SYN2: variants seen among roughly 807,000 people sequenced by gnomAD.
SYN2 encodes synapsin II.
Under a neutral mutation model 50.9 loss-of-function variants are expected in SYN2, and 19 were observed. The ratio of observed to expected loss-of-function variants is 0.37; its 90% CI spans 0.26 to 0.55. SYN2 has a LOEUF of 0.55. Ranked by LOEUF, SYN2 falls within the 20% of genes least tolerant of loss-of-function variation. SYN2 has a pLI of 0.81. For synonymous variants in SYN2, 255 were observed against 224.9 expected, an observed-to-expected ratio of 1.13 and a Z score of -1.20; for missense variants, 587 against 576.4, an observed-to-expected ratio of 1.02 and a Z score of -0.19.
chr3:12,124,026 AAAG>A (rs1696615693), intron 1 of SYN2, among the ~76,000 whole-genome samples: 1 of 152,116 alleles, frequency 6.6e-6, no homozygotes, highest in African/African-American at 2.4e-5. Context: ...AAAAAGAAAA[AAAG>A]ACAAGTTTAC....
intron 1 of SYN2, chr3:12,070,605 TTTGAGACC>T (rs1426815362): frequency 7.3e-7 from 1 of 1,375,846 alleles, no homozygotes; most frequent in Non-Finnish European, 9.9e-7. Flanking sequence ...CCAGATCATG[TTTGAGACC>T]TTCAACACCC....
chr3:12,177,875 C>A (rs1278404615), intron 10 of SYN2, among the ~76,000 whole-genome samples: 1 of 152,160 alleles, frequency 6.6e-6, no homozygotes, highest in Non-Finnish European at 1.5e-5. Flanking sequence ...TTCTTGGGTT[C>A]TAGGTTATGG....
At chr3:12,172,120 A>G (rs1359599879) in intron 10 of SYN2, among the ~76,000 whole-genome samples, 2 of 152,188 alleles carry the variant, frequency 1.3e-5, no homozygotes, top group East Asian at 3.9e-4. Flanking sequence ...AATGCATACC[A>G]TGCTGGGAGT....
At chr3:12,092,545 T>A (rs1184630220) in intron 1 of SYN2, among the ~76,000 whole-genome samples, 1 of 152,208 alleles carries the variant, frequency 6.6e-6, no homozygotes, top group Non-Finnish European at 1.5e-5. Flanking sequence ...AAGGAACTAT[T>A]ATTCCAAGCA....
At chr3:12,030,463 C>T (rs1284222884) in intron 1 of SYN2, among the ~76,000 whole-genome samples, 1 of 146,190 alleles carries the variant, frequency 6.8e-6, no homozygotes, top group African/African-American at 2.5e-5. Context: ...GTACCAGTTC[C>T]TCCTTGTACC....
chr3:12,161,699 C>T, intron 6 of SYN2, 91 bp downstream of exon 6: 1 of 1,403,684 alleles, frequency 7.1e-7, no homozygotes, highest in Non-Finnish European at 1.0e-6. Context: ...CTCCCTCTGT[C>T]ACTGATGAAT....
Position 12,061,754 on chromosome 3 carries a change from A to T in SYN2, c.377+56826A>T, listed in dbSNP as rs538389226. Among the ~76,000 whole-genome samples, 11 of 152,128 alleles carry T rather than the reference A, an allele frequency of 7.2e-5. No individual in the cohort carries two copies. In the East Asian group the frequency reaches 1.5e-3, roughly 21 times the overall value. On this transcript the variant is annotated intron_variant, in intron 1 of 12. Transcript: ENST00000621198. ...TTCCTGTATACCACAATGAAAAATT[A>T]AAAAAACACTACCATTTACAACAGC...
chr3:12,004,758 G>GCCGCAGCCCGCT lies in SYN2; in HGVS notation c.218_219insTCCGCAGCCCGC (p.Gln71_Pro74dup). On this transcript the variant is annotated inframe_insertion, in exon 1 of 13. Coordinates refer to ENST00000621198, the MANE Select transcript of SYN2 (RefSeq NM_133625.6). ...GGCCGCCGCCCGCCTCGGCGCCCGC[G>GCCGCAGCCCGCT]CCGCAGCCCGCGCCGACGCCGTCGG... 1 of 344,224 alleles carries GCCGCAGCCCGCT rather than the reference G, an allele frequency of 2.9e-6. No homozygotes were observed. 21.3% of individuals were successfully genotyped at this position (344,224 alleles called of 1,614,324 possible). A position where few individuals can be genotyped will look rare whatever the true frequency, so the allele number is the denominator to read the frequency against.
intron 1 of SYN2, among the ~76,000 whole-genome samples, chr3:12,015,020 C>T (rs1014310886): frequency 6.6e-6 from 1 of 152,184 alleles, no homozygotes. Flanking sequence ...GCTTACTTCT[C>T]CTGCCTTGCC....
chr3:12,157,453 C>G (rs749576647), intron 5 of SYN2: 1 of 1,614,188 alleles, frequency 6.2e-7, no homozygotes, highest in South Asian at 1.1e-5. Context: ...GCCGGAACTA[C>G]CTTCTCACTG....
At chr3:12,105,901 A>G (rs1049634255) in intron 1 of SYN2, among the ~76,000 whole-genome samples, 4 of 152,124 alleles carry the variant, frequency 2.6e-5, no homozygotes, top group Admixed American at 1.3e-4. Flanking sequence ...TAACACTGGA[A>G]ATGATTTGTT....
At chr3:12,159,048 A>C (rs1697559733) in intron 5 of SYN2, 2 of 631,104 alleles carry the variant, frequency 3.2e-6, no homozygotes, top group Non-Finnish European at 5.1e-6. Context: ...CATACTCAGT[A>C]AGATGCAGAG....
chr3:12,079,396 G>A (rs529804664), intron 1 of SYN2, among the ~76,000 whole-genome samples: 1 of 152,270 alleles, frequency 6.6e-6, no homozygotes, highest in South Asian at 2.1e-4. Context: ...CAAGGGGAAT[G>A]CTTACAGCTT....
chr3:12,028,693 C>T (rs1470667254), intron 1 of SYN2, among the ~76,000 whole-genome samples: 1 of 146,572 alleles, frequency 6.8e-6, no homozygotes, highest in Non-Finnish European at 1.5e-5. Context: ...AGTGTCTGTT[C>T]ATGTCCTTCG....
intron 7 of SYN2, among the ~76,000 whole-genome samples, chr3:12,162,899 T>G (rs1439643254): frequency 1.3e-5 from 2 of 152,218 alleles, no homozygotes; most frequent in Non-Finnish European, 1.5e-5. Context: ...ACGCATAAAA[T>G]GCAGGTGGCT....
In SYN2 at chr3:12,115,612, C is replaced by A. The variant is rs1356221499; in HGVS notation, c.378-25039C>A. 2.0e-5 allele frequency among the ~76,000 whole-genome samples: 3 copies of A among 151,548 alleles called. No homozygotes were observed. The East Asian group carries it at 5.8e-4, about 29-fold the overall frequency. ...TCATAGGGTTCTTCTGAAACCAGTTCCTTAGAAAAGGTGTGCAAGGGACCC... is the reference window on the plus strand; with the variant it reads ...TCATAGGGTTCTTCTGAAACCAGTTACTTAGAAAAGGTGTGCAAGGGACCC... On this transcript the variant is annotated intron_variant, in intron 1 of 12. Transcript: ENST00000621198.
intron 1 of SYN2, among the ~76,000 whole-genome samples, chr3:12,091,159 A>G (rs528135516): frequency 6.6e-6 from 1 of 152,238 alleles, no homozygotes; most frequent in African/African-American, 2.4e-5. Context: ...ATTTAAGTTT[A>G]TGTTTTTATA....
chr3:12,154,044 A>G (rs747501279), intron 5 of SYN2, among the ~76,000 whole-genome samples: 28 of 152,186 alleles, frequency 1.8e-4, no homozygotes, highest in Non-Finnish European at 3.8e-4. Context: ...TAAATTAAAC[A>G]TTTACAGTAA....
intron 1 of SYN2, 93 bp from the exon 2 acceptor site, chr3:12,140,558 C>T (rs1696992554): frequency 4.2e-6 from 3 of 714,924 alleles, no homozygotes; most frequent in Admixed American, 4.0e-5. Flanking sequence ...TTCTGGAGAT[C>T]TGTCTGCTGT....
Sources: gnomAD v4.1 joint callset for allele counts (sites outside exome capture counted in the v4.1 genomes callset) on GRCh38, gnomAD v4.1.1 for gene constraint, MANE v1.5 for transcripts, NCBI Gene and HGNC (gene_info 2026-07-23, HGNC 2026-07-21) for gene names.